The following RBM19 variants were observed in gnomAD, a reference collection of about 807,000 sequenced individuals.
RBM19 encodes the protein probable RNA-binding protein 19.
In RBM19, 94 loss-of-function variants were observed where a neutral mutation model predicts 116.8. The ratio of observed to expected loss-of-function variants is 0.80; its 90% CI spans 0.68 to 0.95. The LOEUF is 0.95. Ranked by LOEUF, RBM19 falls within the 40% of genes least tolerant of loss-of-function variation. RBM19 has a pLI of 0.00. For missense variants in RBM19, 1,161 were observed against 1,220.7 expected (o/e 0.95, Z 0.73); for synonymous variants, 475 against 494.1 (o/e 0.96, Z 0.51).
At chr12:113,826,482 C>T (rs1026827490) in intron 23 of RBM19, among the ~76,000 whole-genome samples, 3 of 152,284 alleles carry the variant, frequency 2.0e-5, no homozygotes, top group Non-Finnish European at 2.9e-5. Flanking sequence ...GCAGCTGAGA[C>T]GAGGCCAAGA....
At chr12:113,863,813 A>G (rs79360929) in intron 21 of RBM19, among the ~76,000 whole-genome samples, 10,068 of 152,304 alleles carry the variant, frequency 0.066, 654 homozygotes, top group East Asian at 0.34. Flanking sequence ...TGCTCCTTCT[A>G]GAGGTAAGAA....
At chr12:113,960,561 C>T (rs1367588216) in intron 2 of RBM19, among the ~76,000 whole-genome samples, 2 of 152,072 alleles carry the variant, frequency 1.3e-5, no homozygotes, top group African/African-American at 4.8e-5. Flanking sequence ...CCTGGCTTAC[C>T]CAGGTAATAA....
At chr12:113,873,636 G>A (rs1371539883) in intron 21 of RBM19, among the ~76,000 whole-genome samples, 1 of 124,738 alleles carries the variant, frequency 8.0e-6, no homozygotes, top group East Asian at 2.3e-4. Context: ...CCATGACCCT[G>A]CCAAATCCCC....
At chr12:113,839,074 G>A (rs557657850) in intron 23 of RBM19, among the ~76,000 whole-genome samples, 2 of 152,360 alleles carry the variant, frequency 1.3e-5, no homozygotes, top group South Asian at 4.1e-4. Context: ...GAGCTCGGCA[G>A]TCTCCACCTG....
chr12:113,903,833 T>C lies in RBM19; in HGVS notation c.2558+11136A>G, dbSNP rs893180923. 6.6e-6 allele frequency among the ~76,000 whole-genome samples: 1 copy of C among 152,148 alleles called. No homozygotes were observed. Among genetic ancestry groups the C allele is most frequent in the Non-Finnish European group, 1.5e-5 (1 of 68,026 alleles). On this transcript the variant is annotated intron_variant, in intron 21 of 23. Coordinates refer to ENST00000261741, the MANE Select transcript of RBM19 (RefSeq NM_016196.4). This position sits in a 1 kb window ranked among gnomAD's most constrained non-coding sequence, Gnocchi z 5.1. ...AATCTGGGTAGTTCCTGTCTCTCCCTCCTAAAATAAGAGGACATACTTACT... is the reference window on the plus strand; with the variant it reads ...AATCTGGGTAGTTCCTGTCTCTCCCCCCTAAAATAAGAGGACATACTTACT...
At chr12:113,849,111 G>A (rs571532571) in intron 22 of RBM19, among the ~76,000 whole-genome samples, 6 of 152,310 alleles carry the variant, frequency 3.9e-5, no homozygotes, top group African/African-American at 1.4e-4. Flanking sequence ...CCCAGGGAGG[G>A]TTCTGCTCCT....
chr12:113,937,465 G>A (rs1870172049), intron 15 of RBM19, among the ~76,000 whole-genome samples: 1 of 152,148 alleles, frequency 6.6e-6, no homozygotes, highest in Non-Finnish European at 1.5e-5. Flanking sequence ...AGTGGGACGA[G>A]GAGCGACCAC....
Position 113,918,462 on chromosome 12 carries a change from A to T in RBM19, c.2386-15T>A. On this transcript the variant is annotated splice_polypyrimidine_tract_variant and intron_variant, in intron 19 of 23. Transcript: ENST00000261741. ...ACGACGTGACCCTAAGAGAGAAGAC[A>T]ACATGGCTCATCTCTCTGTCCCGAG... 1 of 1,613,612 alleles carries T rather than the reference A, an allele frequency of 6.2e-7. No homozygotes were observed. Among genetic ancestry groups the T allele is most frequent in the Non-Finnish European group, 8.5e-7 (1 of 1,179,540 alleles).
chr12:113,869,937 T>G (rs917130589), intron 21 of RBM19, among the ~76,000 whole-genome samples: 1 of 152,164 alleles, frequency 6.6e-6, no homozygotes, highest in African/African-American at 2.4e-5. Flanking sequence ...CTGCTGCCAC[T>G]CTAAGAAAAG....
At chr12:113,837,404 C>T (rs1876058903) in intron 23 of RBM19, among the ~76,000 whole-genome samples, 1 of 152,220 alleles carries the variant, frequency 6.6e-6, no homozygotes, top group African/African-American at 2.4e-5. Context: ...TTTTTGGCAA[C>T]TCAGAAAAGG....
At chr12:113,914,792 G>A (rs1444206366) in intron 21 of RBM19, among the ~76,000 whole-genome samples, 177 bp downstream of exon 21, 1 of 152,232 alleles carries the variant, frequency 6.6e-6, no homozygotes, top group Non-Finnish European at 1.5e-5. Flanking sequence ...CAGTGCTCTG[G>A]GGAGCCACAT....
At chr12:113,889,025 C>T (rs986761072) in intron 21 of RBM19, among the ~76,000 whole-genome samples, 12 of 152,216 alleles carry the variant, frequency 7.9e-5, no homozygotes, top group Admixed American at 2.6e-4. Context: ...GAAATGCCCA[C>T]AGGCAGAGGA....
At chr12:113,846,905 G>A (rs1877031975) in intron 22 of RBM19, among the ~76,000 whole-genome samples, 1 of 152,094 alleles carries the variant, frequency 6.6e-6, no homozygotes, top group Non-Finnish European at 1.5e-5. Flanking sequence ...TAGAGACGGG[G>A]TCTCCCTACA....
chr12:113,818,457 G>A (rs923174341), downstream of RBM19, among the ~76,000 whole-genome samples: 2 of 152,212 alleles, frequency 1.3e-5, no homozygotes, highest in Non-Finnish European at 2.9e-5. Context: ...ACATGGCGCA[G>A]CGCCCTGTGA....
At chr12:113,879,425 T>C (rs1447837730) in intron 21 of RBM19, among the ~76,000 whole-genome samples, 1 of 73,118 alleles carries the variant, frequency 1.4e-5, no homozygotes, top group African/African-American at 3.8e-5. Flanking sequence ...TGATCATACA[T>C]ACATTTTATA....
intron 21 of RBM19, among the ~76,000 whole-genome samples, chr12:113,901,275 G>A (rs754060787): frequency 1.3e-5 from 2 of 152,058 alleles, no homozygotes; most frequent in Non-Finnish European, 2.9e-5. Flanking sequence ...TATAAAAGTT[G>A]GGATAATTTC....
intron 23 of RBM19, among the ~76,000 whole-genome samples, chr12:113,829,569 G>C (rs1047237733): frequency 4.6e-5 from 7 of 152,236 alleles, no homozygotes; most frequent in Non-Finnish European, 8.8e-5. Flanking sequence ...GGATATGGCA[G>C]TGAACAAAAC....
intron 22 of RBM19, among the ~76,000 whole-genome samples, chr12:113,854,683 C>CCGTGATG (rs1457613316): frequency 1.3e-5 from 2 of 152,210 alleles, no homozygotes; most frequent in East Asian, 3.9e-4. Context: ...CTCTGGTCAC[C>CCGTGATG]AGGGCCCGTG....
rs1165540467 is a variant in RBM19, at chr12:113,966,301, T to C, written c.-74A>G. On this transcript the variant is annotated 5_prime_UTR_variant, in exon 1 of 24. Coordinates refer to ENST00000261741, the MANE Select transcript of RBM19 (RefSeq NM_016196.4). The stretch of plus-strand genomic sequence containing the variant: ...TCCACCAAGTTTCACGCTACCGCCC[T>C]GGGCGCCGCCATCTTTACCGAGCCG... 8 of 1,593,596 alleles carry C rather than the reference T, an allele frequency of 5.0e-6. No individual in the cohort carries two copies. The highest frequency in any genetic ancestry group is 6.9e-6 in the Non-Finnish European group (8 of 1,161,658).
Sources: allele counts gnomAD v4.1 joint callset (sites outside exome capture counted in the v4.1 genomes callset), GRCh38; gene constraint gnomAD v4.1.1; non-coding constraint Gnocchi (gnomAD v3.1); transcripts MANE v1.5; gene names NCBI Gene and HGNC (gene_info 2026-07-23, HGNC 2026-07-21).